SYNCRIP: variants seen among roughly 807,000 people sequenced by gnomAD.
The protein encoded by SYNCRIP is heterogeneous nuclear ribonucleoprotein Q.
Under a neutral mutation model 68.9 loss-of-function variants are expected in SYNCRIP, and 9 were observed. The observed-to-expected ratio is 0.13, with a 90% CI of 0.08 to 0.23. The LOEUF (loss-of-function observed/expected upper bound fraction) is 0.23, where lower values mean the gene tolerates loss of function less well. SYNCRIP is among the 10% of genes least tolerant of loss of function. The pLI, the probability that SYNCRIP is intolerant of heterozygous loss-of-function variation, is 1.00. For synonymous variants in SYNCRIP, 258 were observed against 254.0 expected, an observed-to-expected ratio of 1.02 and a Z score of -0.15; for missense variants, 414 against 770.6, an observed-to-expected ratio of 0.54 and a Z score of 5.48.
chr6:85,618,015 T>A (rs1006027263), intron 10 of SYNCRIP, among the ~76,000 whole-genome samples: 5 of 152,196 alleles, frequency 3.3e-5, no homozygotes, highest in African/African-American at 1.2e-4. Context: ...ATTGCACTAC[T>A]GTGTTATAAT....
intron 6 of SYNCRIP, among the ~76,000 whole-genome samples, chr6:85,627,305 T>C (rs894854913): frequency 4.6e-5 from 7 of 151,584 alleles, no homozygotes; most frequent in African/African-American, 1.2e-4. Context: ...ACAATTGTAT[T>C]ACAGGTAACA....
intron 6 of SYNCRIP, among the ~76,000 whole-genome samples, chr6:85,629,114 G>A (rs1450127442): frequency 6.6e-6 from 1 of 152,110 alleles, no homozygotes; most frequent in Non-Finnish European, 1.5e-5. Context: ...GCTTAGCCCA[G>A]TATGAACTAA....
chr6:85,618,394 A>C (rs1409281547), intron 10 of SYNCRIP, among the ~76,000 whole-genome samples: 1 of 151,902 alleles, frequency 6.6e-6, no homozygotes, highest in Non-Finnish European at 1.5e-5. Flanking sequence ...AAAAAACACA[A>C]AAATTACCAG....
At position 85,615,081 on chromosome 6, in the gene SYNCRIP, G is replaced by A. The variant is rs781391977; in HGVS notation, c.1547C>T (p.Pro516Leu). ...TGAATAACCGGCTCTACCGCGGGGA[G>A]GAGCAGCCCCACGACCTCTGGATGG... The part of the protein sequence containing the change: ...AAPSRGRGAA[P>L]PRGRAGYSQR... Residue 516 changes from proline to leucine, a missense_variant, in exon 11 of 11, where the codon CCT becomes CTT. By Grantham distance (98) the Pro-to-Leu change is moderately conservative. Around this residue, in one of 6 missense-constraint regions of SYNCRIP, gnomAD observed 130 missense variants for 149.0 expected, o/e 0.87. Coordinates refer to ENST00000369622, the MANE Select transcript of SYNCRIP (RefSeq NM_006372.5). The A allele has an allele frequency of 1.2e-6, 2 of 1,614,076 alleles. No individual in the cohort carries two copies. Among genetic ancestry groups the A allele is most frequent in the East Asian group, 2.2e-5 (1 of 44,880 alleles).
chr6:85,629,732 G>C (rs1368648449), intron 6 of SYNCRIP, among the ~76,000 whole-genome samples: 1 of 152,090 alleles, frequency 6.6e-6, no homozygotes, highest in East Asian at 1.9e-4. Flanking sequence ...TGAGGCAGAA[G>C]AATCGCTTGA....
intron 6 of SYNCRIP, among the ~76,000 whole-genome samples, chr6:85,636,090 T>C (rs1346597170): frequency 6.6e-6 from 1 of 152,226 alleles, no homozygotes; most frequent in African/African-American, 2.4e-5. Context: ...AAACCACTTC[T>C]GTCACAGAAC....
At chr6:85,620,204 C>T (rs144022962) in intron 8 of SYNCRIP, among the ~76,000 whole-genome samples, 1 of 152,276 alleles carries the variant, frequency 6.6e-6, no homozygotes, top group East Asian at 1.9e-4. Context: ...CGAGATCGTG[C>T]CACTGCACTC....
intron 4 of SYNCRIP, among the ~76,000 whole-genome samples, chr6:85,638,540 A>AC (rs1169144709): frequency 1.3e-5 from 2 of 152,212 alleles, no homozygotes; most frequent in Non-Finnish European, 2.9e-5. Flanking sequence ...TGAAATAAAA[A>AC]CAGACTAATC....
At chr6:85,618,992 T>A (rs904117275) in intron 9 of SYNCRIP, 53 bp from the exon 10 acceptor site, 71 of 1,538,522 alleles carry the variant, frequency 4.6e-5, no homozygotes, top group Non-Finnish European at 6.1e-5. Context: ...ACAATTATGA[T>A]TCATTTAAAG....
chr6:85,623,987 G>C lies in SYNCRIP; in HGVS notation c.792C>G (p.Ser264Arg), dbSNP rs1339566695. 1.2e-6 allele frequency: 2 copies of C among 1,613,506 alleles called. No homozygotes were observed. The highest frequency in any genetic ancestry group is 1.7e-6 in the Non-Finnish European group (2 of 1,179,876). ...KTKEQILEEF[S>R]KVTEGLTDVI... ...ATAAATCCAACTTACCTGTTACTTTGCTAAATTCTTCAAGAATCTGTTCCT... is the reference window on the plus strand; with the variant it reads ...ATAAATCCAACTTACCTGTTACTTTCCTAAATTCTTCAAGAATCTGTTCCT... Residue 264 changes from serine (S) to arginine (R), a missense_variant, in exon 7 of 11, where the codon AGC becomes AGG. Around this residue, in one of 6 missense-constraint regions of SYNCRIP, gnomAD observed 110 missense variants for 269.3 expected, o/e 0.41. Transcript: ENST00000369622.
chr6:85,631,339 C>CAAAAAAAAAAAAAAA lies in SYNCRIP; in HGVS notation c.666+5613_666+5627dup, dbSNP rs71003000. 2.8e-3 allele frequency among the ~76,000 whole-genome samples: 255 copies of CAAAAAAAAAAAAAAA among 91,610 alleles called. 8 individuals are homozygous for CAAAAAAAAAAAAAAA. Among genetic ancestry groups the CAAAAAAAAAAAAAAA allele is most frequent in the African/African-American group, 5.6e-3 (113 of 20,048 alleles). The allele number at this position is 91,610 out of a possible 152,430, so 60.1% of individuals were successfully genotyped here. On this transcript the variant is annotated intron_variant, in intron 6 of 10. Coordinates refer to ENST00000369622, the MANE Select transcript of SYNCRIP (RefSeq NM_006372.5). ...GGGTGACAAAGCATGACTGTGTCTCCAAAAAAAAAAAAAAAAGGCCATGGC... is the reference window on the plus strand; with the variant it reads ...GGGTGACAAAGCATGACTGTGTCTCCAAAAAAAAAAAAAAAAAAAAAAAAAAAAAAAGGCCATGGC...
downstream of SYNCRIP, chr6:85,611,753 A>C (rs1179242997): frequency 1.3e-5 from 2 of 152,648 alleles, no homozygotes; most frequent in East Asian, 3.9e-4. Context: ...AGAAATGGAA[A>C]GCTGATTCAC....
intron 7 of SYNCRIP, among the ~76,000 whole-genome samples, chr6:85,623,311 C>T (rs12205013): frequency 0.26 from 39,523 of 151,630 alleles, 6,472 homozygotes; most frequent in East Asian, 0.39. Context: ...TACCTGTAAT[C>T]GCAACACTCT....
chr6:85,620,310 G>C (rs894541301), intron 8 of SYNCRIP, among the ~76,000 whole-genome samples: 1 of 152,182 alleles, frequency 6.6e-6, no homozygotes, highest in African/African-American at 2.4e-5. Context: ...TGGGAGAATG[G>C]ACAATTGTGG....
chr6:85,610,787 T>C (rs1175905223), downstream of SYNCRIP: 1 of 152,042 alleles, frequency 6.6e-6, no homozygotes, highest in Non-Finnish European at 1.5e-5. Flanking sequence ...AGGCTACATT[T>C]AGTTTACCCA....
At chr6:85,612,915 T>C (rs1434790184), downstream of SYNCRIP, 2 of 1,549,734 alleles carry the variant, frequency 1.3e-6, no homozygotes. Context: ...CCTCGACCCC[T>C]TTTCCCTGCT....
chr6:85,623,863 AGT>A, intron 7 of SYNCRIP, 112 bp downstream of exon 7: 1 of 1,281,882 alleles, frequency 7.8e-7, no homozygotes, highest in African/African-American at 1.5e-5. Context: ...CAAAAGTTGT[AGT>A]GAGGATTCGA....
chr6:85,615,392 A>G (rs757398023), intron 10 of SYNCRIP, 45 bp from the exon 11 acceptor site: 2 of 1,307,348 alleles, frequency 1.5e-6, no homozygotes, highest in South Asian at 1.7e-5. Context: ...CAAATTACTT[A>G]GTTAACAAGT....
chr6:85,640,152 G>A, intron 4 of SYNCRIP, 69 bp downstream of exon 4: 2 of 1,054,314 alleles, frequency 1.9e-6, no homozygotes, highest in East Asian at 2.4e-5. Flanking sequence ...TCATACCCAA[G>A]GAATATTTAC....
Sources: allele counts gnomAD v4.1 joint callset (sites outside exome capture counted in the v4.1 genomes callset), GRCh38; gene constraint gnomAD v4.1.1; regional missense constraint gnomAD v4.1.1; transcripts MANE v1.5; gene names NCBI Gene and HGNC (gene_info 2026-07-23, HGNC 2026-07-21).